Variants in FUT8 observed in about 807,000 individuals in gnomAD.
The protein encoded by FUT8 is alpha-(1,6)-fucosyltransferase.
FUT8 carries 29 observed loss-of-function variants against 71.3 expected under a neutral mutation model. That is an observed-to-expected ratio of 0.41 (90% CI 0.30 to 0.55). The LOEUF is 0.55. Among genes scored for constraint, FUT8 ranks in the 20% least tolerant of loss-of-function variants. The probability of loss-of-function intolerance (pLI) is 0.34; values close to 1 mark genes in which losing one functional copy is unlikely to be tolerated. For missense variants in FUT8, 544 were observed against 702.1 expected (o/e 0.77, Z 2.55); for synonymous variants, 254 against 239.3 (o/e 1.06, Z -0.57).
chr14:65,688,650 T>C (rs1893422787), intron 7 of FUT8, among the ~76,000 whole-genome samples: 1 of 152,174 alleles, frequency 6.6e-6, no homozygotes, highest in South Asian at 2.1e-4. Context: ...TTGGCAATTT[T>C]GAATAAATCT....
chr14:65,554,710 G>A (rs192278451), intron 2 of FUT8, among the ~76,000 whole-genome samples: 1 of 152,166 alleles, frequency 6.6e-6, no homozygotes, highest in Admixed American at 6.5e-5. Flanking sequence ...GTAGTGGACT[G>A]CTTGCTGCTT....
chr14:65,399,419 C>G, the FUT8 span, among the ~76,000 whole-genome samples: 1 of 152,264 alleles, frequency 6.6e-6, no homozygotes, highest in South Asian at 2.1e-4. Context: ...TCAGCCCTGA[C>G]AAACAGCCCA....
the FUT8 span, among the ~76,000 whole-genome samples, chr14:65,387,178 G>C: frequency 6.6e-6 from 1 of 152,068 alleles, no homozygotes; most frequent in African/African-American, 2.4e-5. Context: ...TATCCTTTAA[G>C]TATTTTGACA....
intron 2 of FUT8, among the ~76,000 whole-genome samples, chr14:65,518,248 A>G (rs1291283535): frequency 6.6e-6 from 1 of 152,186 alleles, no homozygotes; most frequent in African/African-American, 2.4e-5. Context: ...TTTTCTTTGA[A>G]TGATGTTTTG....
At chr14:65,692,097 G>A (rs111823541) in intron 7 of FUT8, among the ~76,000 whole-genome samples, 3,651 of 151,894 alleles carry the variant, frequency 0.024, 62 homozygotes, top group Non-Finnish European at 0.039. Flanking sequence ...ATCATGGCCC[G>A]TTCTCAATGA....
At chr14:65,587,069 G>T (rs1887426705) in intron 3 of FUT8, among the ~76,000 whole-genome samples, 1 of 151,954 alleles carries the variant, frequency 6.6e-6, no homozygotes, top group Non-Finnish European at 1.5e-5. Flanking sequence ...GATGCCTGTA[G>T]TCCCAGCTAC....
At chr14:65,407,847 G>C (rs1348333022), upstream of FUT8, among the ~76,000 whole-genome samples, 2 of 152,164 alleles carry the variant, frequency 1.3e-5, no homozygotes, top group Non-Finnish European at 2.9e-5. Flanking sequence ...TTCATTTTCA[G>C]GTTAGTTCCT....
chr14:65,586,590 T>G (rs1887397195), intron 3 of FUT8, among the ~76,000 whole-genome samples: 1 of 152,204 alleles, frequency 6.6e-6, no homozygotes, highest in Admixed American at 6.5e-5. Context: ...CAACAAAATT[T>G]GGAGTTGGAA....
chr14:65,530,556 T>C (rs951273845), intron 2 of FUT8, among the ~76,000 whole-genome samples: 1 of 152,176 alleles, frequency 6.6e-6, no homozygotes, highest in Non-Finnish European at 1.5e-5. Flanking sequence ...TAAAATTTCA[T>C]TTTTAAATGT....
intron 7 of FUT8, among the ~76,000 whole-genome samples, chr14:65,703,188 T>C (rs1271340765): frequency 6.6e-6 from 1 of 152,240 alleles, no homozygotes; most frequent in Non-Finnish European, 1.5e-5. Context: ...AGAAACATAA[T>C]GTCAAGTATC....
At chr14:65,694,788 C>T (rs372642251) in intron 7 of FUT8, among the ~76,000 whole-genome samples, 63 of 148,380 alleles carry the variant, frequency 4.2e-4, no homozygotes, top group African/African-American at 1.5e-3. Context: ...TAAACTATCG[C>T]AAGAACAAAA....
intron 2 of FUT8, among the ~76,000 whole-genome samples, chr14:65,480,066 G>A (rs556487124): frequency 7.0e-4 from 106 of 152,186 alleles, no homozygotes; most frequent in African/African-American, 2.4e-3. Flanking sequence ...ATGACCACAT[G>A]TTTGGATTTC....
intron 2 of FUT8, among the ~76,000 whole-genome samples, chr14:65,485,278 G>A (rs1166604768): frequency 6.6e-6 from 1 of 152,054 alleles, no homozygotes; most frequent in Non-Finnish European, 1.5e-5. Context: ...TTGCATATCT[G>A]GTAATCTTCA....
intron 7 of FUT8, among the ~76,000 whole-genome samples, chr14:65,681,837 GGTAA>G (rs1893054248): frequency 6.6e-6 from 1 of 152,102 alleles, no homozygotes. Flanking sequence ...ATTTTATATA[GGTAA>G]GTAACTTGCC....
intron 1 of FUT8, among the ~76,000 whole-genome samples, chr14:65,447,994 A>G (rs2065768115): frequency 6.6e-6 from 1 of 152,172 alleles, no homozygotes; most frequent in African/African-American, 2.4e-5. Context: ...GCAGTGTGAC[A>G]TATTTATATT....
At chr14:65,715,985 A>AAC (rs1555386990) in intron 7 of FUT8, among the ~76,000 whole-genome samples, 5 of 151,922 alleles carry the variant, frequency 3.3e-5, no homozygotes, top group African/African-American at 1.2e-4. Context: ...AAAAAAAAAA[A>AAC]AAAACAACTT....
At chr14:65,720,844 A>G (rs1472202578) in intron 7 of FUT8, among the ~76,000 whole-genome samples, 2 of 152,200 alleles carry the variant, frequency 1.3e-5, no homozygotes, top group South Asian at 2.1e-4. Flanking sequence ...TTCTCCCTCC[A>G]TGGGCATTGG....
the FUT8 span, among the ~76,000 whole-genome samples, chr14:65,379,348 G>A: frequency 6.6e-6 from 1 of 151,882 alleles, no homozygotes; most frequent in Non-Finnish European, 1.5e-5. Flanking sequence ...TGGCCAACAT[G>A]GTGAAACCCT....
At chr14:65,709,916 C>T (rs1348021343) in intron 7 of FUT8, among the ~76,000 whole-genome samples, 4 of 152,168 alleles carry the variant, frequency 2.6e-5, no homozygotes, top group Admixed American at 6.5e-5. Context: ...AGAAAGTCCA[C>T]GAAGCCATAA....
Sources: allele counts gnomAD v4.1 joint callset (sites outside exome capture counted in the v4.1 genomes callset), GRCh38; gene constraint gnomAD v4.1.1; transcripts MANE v1.5; gene names NCBI Gene and HGNC (gene_info 2026-07-23, HGNC 2026-07-21).